Variants in FBRSL1 observed in about 807,000 individuals in gnomAD.
The protein encoded by FBRSL1 is fibrosin-1-like protein.
Under a neutral mutation model 89.6 loss-of-function variants are expected in FBRSL1, and 51 were observed. That is an observed-to-expected ratio of 0.57 (90% confidence interval 0.45 to 0.72). The LOEUF (loss-of-function observed/expected upper bound fraction) is 0.72, where lower values mean the gene tolerates loss of function less well. Among genes scored for constraint, FBRSL1 ranks in the 30% least tolerant of loss-of-function variants. The pLI is 0.00. For synonymous variants in FBRSL1, 779 were observed against 681.1 expected, an observed-to-expected ratio of 1.14 and a Z score of -2.24; for missense variants, 1,618 against 1,451.8, an observed-to-expected ratio of 1.11 and a Z score of -1.86.
intron 2 of FBRSL1, among the ~76,000 whole-genome samples, chr12:132,524,486 G>A (rs962167918): frequency 2.6e-5 from 4 of 152,266 alleles, no homozygotes; most frequent in African/African-American, 4.8e-5. Context: ...TGCACAGAGC[G>A]GGCCTCTGGC....
At chr12:132,570,603 C>T (rs1055733449) in intron 8 of FBRSL1, 63 bp downstream of exon 8, 24 of 1,339,978 alleles carry the variant, frequency 1.8e-5, no homozygotes, top group South Asian at 9.1e-5. Context: ...ACACGGCCAC[C>T]GGGGAGGGGC....
chr12:132,518,446 C>A (rs1454315150), intron 2 of FBRSL1, among the ~76,000 whole-genome samples: 3 of 147,976 alleles, frequency 2.0e-5, no homozygotes, highest in Non-Finnish European at 4.5e-5. Context: ...TGTAGTGTAT[C>A]TCATCCATCC....
At position 132,583,643 on chromosome 12, in the gene FBRSL1, C is replaced by A. The variant is rs936589449; in HGVS notation, c.2874C>A (p.Pro958=). The part of the protein sequence containing the change: ...PAAAALGAPP[P]LVTAAGPPTP... ...CCGCCGCCCTCGGCGCACCGCCCCC[C>A]CTGGTGACGGCGGCCGGGCCCCCCA... The change falls in exon 19 of 19, where the codon CCC becomes CCA. Residue 958 remains proline (P), a synonymous_variant. Transcript: ENST00000680143. The A allele has an allele frequency of 7.9e-5, 80 of 1,014,880 alleles. No homozygotes were observed. Among genetic ancestry groups the A allele is most frequent in the Admixed American group, 3.6e-4 (6 of 16,604 alleles). 62.9% of individuals were successfully genotyped at this position (1,014,880 alleles called of 1,614,324 possible).
At chr12:132,574,053 C>T in intron 11 of FBRSL1, 37 bp from the exon 12 acceptor site, 2 of 1,218,472 alleles carry the variant, frequency 1.6e-6, no homozygotes, top group Non-Finnish European at 2.1e-6. Context: ...GCCTGGGCGG[C>T]CCCAGGCGCA....
intron 4 of FBRSL1, among the ~76,000 whole-genome samples, chr12:132,528,801 G>A (rs760234750): frequency 7.2e-5 from 11 of 152,056 alleles, no homozygotes; most frequent in Admixed American, 3.9e-4. Flanking sequence ...AGTGTGTGCC[G>A]TGCCTCCCCG....
chr12:132,510,171 C>A, intron 2 of FBRSL1: 2 of 1,231,382 alleles, frequency 1.6e-6, no homozygotes, highest in Non-Finnish European at 2.0e-6. Context: ...GCCCCTGCGG[C>A]CGCTCATGGG....
intron 1 of FBRSL1, among the ~76,000 whole-genome samples, chr12:132,493,326 G>C (rs1248637377): frequency 6.6e-6 from 1 of 152,226 alleles, no homozygotes; most frequent in Non-Finnish European, 1.5e-5. Context: ...AGGATGGGAC[G>C]CTCAGGAGTT....
chr12:132,570,036 G>A lies in FBRSL1; in HGVS notation c.802G>A (p.Ala268Thr), dbSNP rs970209591. 11 of 1,510,852 alleles carry A rather than the reference G, an allele frequency of 7.3e-6. No individual in the cohort carries two copies. Among genetic ancestry groups the A allele is most frequent in the Admixed American group, 2.1e-5 (1 of 47,878 alleles). The allele number at this position is 1,510,852 out of a possible 1,614,324, so 93.6% of individuals were successfully genotyped here. A position where few individuals can be genotyped will look rare whatever the true frequency, so the allele number is the denominator to read the frequency against. Residue 268 changes from alanine (A) to threonine (T), a missense_variant, in exon 7 of 19, where the codon GCG (alanine) becomes ACG (threonine). By Grantham distance (58) the Ala-to-Thr change is moderately conservative. Transcript: ENST00000680143. ...GAGCTTCCTGCCCACTGCCAGCCCCGCGCCCCATGCCGCGCCCTGCCCGGG... is the reference window on the plus strand; with the variant it reads ...GAGCTTCCTGCCCACTGCCAGCCCCACGCCCCATGCCGCGCCCTGCCCGGG... ...AESFLPTASP[A>T]PHAAPCPGPP...
intron 2 of FBRSL1, among the ~76,000 whole-genome samples, chr12:132,515,577 A>G (rs1411065500): frequency 1.3e-5 from 2 of 151,666 alleles, no homozygotes; most frequent in East Asian, 1.9e-4. Flanking sequence ...AAGGAAAGCC[A>G]TAGTATAGAC....
intron 4 of FBRSL1, among the ~76,000 whole-genome samples, chr12:132,534,481 G>A (rs1201444636): frequency 6.6e-6 from 1 of 152,242 alleles, no homozygotes; most frequent in Admixed American, 6.5e-5. Context: ...GGGTCCAGAT[G>A]GGGCCAATGG....
intron 4 of FBRSL1, among the ~76,000 whole-genome samples, chr12:132,528,401 G>A (rs1333540990): frequency 6.6e-6 from 1 of 152,172 alleles, no homozygotes; most frequent in Non-Finnish European, 1.5e-5. Context: ...GGTGTGGGAG[G>A]TGCCCATGGT....
chr12:132,523,925 G>A (rs932071816), intron 2 of FBRSL1, among the ~76,000 whole-genome samples: 12 of 152,164 alleles, frequency 7.9e-5, no homozygotes, highest in African/African-American at 2.9e-4. Flanking sequence ...GACCCGGTGG[G>A]CAGGGCTGCC....
intron 6 of FBRSL1, 78 bp downstream of exon 6, chr12:132,567,604 C>T: frequency 7.0e-7 from 1 of 1,424,994 alleles, no homozygotes; most frequent in Non-Finnish European, 9.7e-7. Flanking sequence ...GCAGGACATC[C>T]CCCTGAAGTC....
intron 1 of FBRSL1, among the ~76,000 whole-genome samples, chr12:132,502,109 T>C (rs1212362701): frequency 2.0e-5 from 3 of 152,234 alleles, no homozygotes; most frequent in African/African-American, 7.2e-5. Flanking sequence ...ACTCAGTGTG[T>C]TGACCACCAT....
chr12:132,495,619 G>A (rs1314647440), intron 1 of FBRSL1, among the ~76,000 whole-genome samples: 1 of 152,246 alleles, frequency 6.6e-6, no homozygotes, highest in Admixed American at 6.5e-5. Context: ...TGGGGCAGGG[G>A]TGCGGAGCTG....
Position 132,571,119 on chromosome 12 carries a change from A to G in FBRSL1, c.1265A>G (p.His422Arg), listed in dbSNP as rs2039980602. ...FSQPIMYCQPHSGILIGTWSQ... is the reference protein window; with the variant it reads ...FSQPIMYCQPRSGILIGTWSQ... ...CAGCCAATCATGTATTGCCAGCCTC[A>G]TTCGGGAATTCTGATTGGTACTTGG... is the stretch of plus-strand genomic sequence containing the variant. The change falls in exon 9 of 19, where the codon CAT becomes CGT. Residue 422 changes from histidine (H) to arginine (R), a missense_variant. Physicochemically the swap from His to Arg is conservative, Grantham distance 29. Transcript: ENST00000680143. 9.5e-6 allele frequency: 13 copies of G among 1,368,858 alleles called. No homozygotes were observed. The highest frequency in any genetic ancestry group is 2.9e-5 in the African/African-American group (2 of 67,808). The allele number at this position is 1,368,858 out of a possible 1,614,324, so 84.8% of individuals were successfully genotyped here. A position where few individuals can be genotyped will look rare whatever the true frequency, so the allele number is the denominator to read the frequency against.
intron 2 of FBRSL1, among the ~76,000 whole-genome samples, chr12:132,523,674 C>T (rs938613605): frequency 5.9e-5 from 9 of 152,208 alleles, no homozygotes; most frequent in African/African-American, 2.2e-4. Context: ...CAGGTACTGC[C>T]CTGAGCCTCT....
At chr12:132,582,029 C>T (rs2040792353) in intron 17 of FBRSL1, 33 bp from the exon 18 acceptor site, 3 of 1,510,694 alleles carry the variant, frequency 2.0e-6, no homozygotes, top group Admixed American at 2.0e-5. Context: ...AGCAGACAGA[C>T]CCAACCTCAT....
chr12:132,568,694 T>A (rs140147172), intron 6 of FBRSL1, among the ~76,000 whole-genome samples: 124 of 152,312 alleles, frequency 8.1e-4, no homozygotes, highest in African/African-American at 2.9e-3. Flanking sequence ...GGCTTGGAGA[T>A]GTGGGAGAGA....
Sources: gnomAD v4.1 joint callset for allele counts (sites outside exome capture counted in the v4.1 genomes callset) on GRCh38, gnomAD v4.1.1 for gene constraint, MANE v1.5 for transcripts, NCBI Gene and HGNC (gene_info 2026-07-23, HGNC 2026-07-21) for gene names.